Variants in IL1RAPL2 observed in about 807,000 individuals in gnomAD.
IL1RAPL2 encodes interleukin 1 receptor accessory protein like 2.
Under a neutral mutation model 44.1 loss-of-function variants are expected in IL1RAPL2, and 3 were observed. The observed-to-expected ratio is 0.07, with a 90% CI of 0.03 to 0.18. The LOEUF is 0.18. IL1RAPL2 is among the 10% of genes least tolerant of loss of function. IL1RAPL2 has a pLI of 1.00. For synonymous variants in IL1RAPL2, 181 were observed against 178.8 expected, an observed-to-expected ratio of 1.01 and a Z score of -0.10; for missense variants, 391 against 496.4, an observed-to-expected ratio of 0.79 and a Z score of 2.02.
rs770963199 is a variant in IL1RAPL2, at chrX:105,489,698, CTTTT to C, written c.772+5313_772+5316del. Among the ~76,000 whole-genome samples, 4 of 105,874 alleles carry C rather than the reference CTTTT, an allele frequency of 3.8e-5. No homozygotes were observed. In the East Asian group the frequency reaches 9.0e-4, roughly 24 times the overall value. 91.9% of individuals were successfully genotyped at this position (105,874 alleles called of 115,157 possible). A position where few individuals can be genotyped will look rare whatever the true frequency, so the allele number is the denominator to read the frequency against. The stretch of plus-strand genomic sequence containing the variant: ...TCTCTTTCTTTTTCTTTCTTTCTTT[CTTTT>C]TCTTTCCTTCCTTCCTTCCTTCTTT... On this transcript the variant is annotated intron_variant, in intron 6 of 10. Transcript: ENST00000372582.
intron 1 of IL1RAPL2, among the ~76,000 whole-genome samples, chrX:104,613,044 G>T (rs1235587880): frequency 8.9e-6 from 1 of 111,960 alleles, no homozygotes; most frequent in Non-Finnish European, 1.9e-5. Context: ...TTTTACTGAA[G>T]TCATCTATCA....
intron 2 of IL1RAPL2, among the ~76,000 whole-genome samples, chrX:104,965,527 T>G (rs1469136472): frequency 9.0e-6 from 1 of 111,424 alleles, no homozygotes; most frequent in Non-Finnish European, 1.9e-5. Flanking sequence ...TCTTGTAGGA[T>G]TCTTAAACAT....
chrX:104,840,324 T>C (rs747185476), intron 2 of IL1RAPL2, among the ~76,000 whole-genome samples: 1 of 112,064 alleles, frequency 8.9e-6, no homozygotes, highest in Non-Finnish European at 1.9e-5. Context: ...GTTATTTACC[T>C]CAGAGTCATT....
intron 6 of IL1RAPL2, among the ~76,000 whole-genome samples, chrX:105,585,962 G>A (rs949389839): frequency 3.6e-5 from 4 of 111,424 alleles, no homozygotes; most frequent in South Asian, 7.5e-4. Flanking sequence ...TAATGAAATC[G>A]CCAAAAGCAA....
At chrX:104,710,823 C>G (rs1331180828) in intron 2 of IL1RAPL2, among the ~76,000 whole-genome samples, 1 of 111,194 alleles carries the variant, frequency 9.0e-6, no homozygotes, top group African/African-American at 3.3e-5. Context: ...TGTAAACAAA[C>G]CTACTGCATC....
At chrX:105,162,903 C>A (rs2033338891) in intron 2 of IL1RAPL2, among the ~76,000 whole-genome samples, 1 of 111,542 alleles carries the variant, frequency 9.0e-6, no homozygotes, top group Non-Finnish European at 1.9e-5. Flanking sequence ...CTCCTAATCA[C>A]CTCCTCAAAG....
At chrX:104,973,542 T>A (rs2030276171) in intron 2 of IL1RAPL2, among the ~76,000 whole-genome samples, 1 of 111,912 alleles carries the variant, frequency 8.9e-6, no homozygotes, top group African/African-American at 3.2e-5. Context: ...TTACATGAAC[T>A]CACTGAGAAG....
At chrX:105,234,154 A>T (rs782028475) in intron 4 of IL1RAPL2, 150 bp downstream of exon 4, 1 of 420,134 alleles carries the variant, frequency 2.4e-6, no homozygotes, top group South Asian at 6.0e-5. Context: ...CAGAGCTGTG[A>T]CTCTTATGTA....
intron 2 of IL1RAPL2, among the ~76,000 whole-genome samples, chrX:104,911,135 T>C (rs1924224817): frequency 8.9e-6 from 1 of 111,902 alleles, no homozygotes; most frequent in South Asian, 3.7e-4. Context: ...CATATTGAAT[T>C]GGTAATAAAA....
intron 6 of IL1RAPL2, among the ~76,000 whole-genome samples, chrX:105,590,480 C>T (rs2037160504): frequency 9.0e-6 from 1 of 110,966 alleles, no homozygotes; most frequent in African/African-American, 3.3e-5. Flanking sequence ...AGCTTTTGCC[C>T]ATTCAATATG....
chrX:105,531,506 C>T (rs917620316), intron 6 of IL1RAPL2, among the ~76,000 whole-genome samples: 6 of 111,376 alleles, frequency 5.4e-5, no homozygotes, highest in Admixed American at 9.6e-5. Context: ...TATGGGTTGT[C>T]TCTTCACTTT....
chrX:104,969,402 C>T (rs183249896), intron 2 of IL1RAPL2, among the ~76,000 whole-genome samples: 69 of 110,617 alleles, frequency 6.2e-4, no homozygotes, highest in African/African-American at 2.2e-3. Flanking sequence ...AAAAGAAAAC[C>T]TTTAAAATGT....
At chrX:104,685,256 C>G (rs761614819) in intron 2 of IL1RAPL2, among the ~76,000 whole-genome samples, 3 of 112,192 alleles carry the variant, frequency 2.7e-5, no homozygotes, top group African/African-American at 9.7e-5. Context: ...TCTTTCAAGA[C>G]TTCCATGACT....
intron 2 of IL1RAPL2, among the ~76,000 whole-genome samples, chrX:104,978,676 C>G (rs781579091): frequency 9.0e-6 from 1 of 111,549 alleles, no homozygotes; most frequent in East Asian, 2.8e-4. Flanking sequence ...TCCAAGAGTA[C>G]CAACTGGAAA....
At chrX:105,323,894 A>G (rs929326363) in intron 5 of IL1RAPL2, among the ~76,000 whole-genome samples, 3 of 108,690 alleles carry the variant, frequency 2.8e-5, no homozygotes, top group African/African-American at 1.0e-4. Flanking sequence ...ACACACACAC[A>G]CAGACACACA....
intron 1 of IL1RAPL2, among the ~76,000 whole-genome samples, chrX:104,626,694 T>C (rs984457258): frequency 9.0e-6 from 1 of 111,341 alleles, no homozygotes; most frequent in Non-Finnish European, 1.9e-5. Context: ...AAAAGTAATG[T>C]TTTAATTGCA....
intron 3 of IL1RAPL2, among the ~76,000 whole-genome samples, chrX:105,230,674 G>T (rs1302446282): frequency 1.8e-5 from 2 of 110,179 alleles, no homozygotes; most frequent in Non-Finnish European, 3.8e-5. Context: ...AACAGGTCAG[G>T]TATAAAAATG....
intron 2 of IL1RAPL2, among the ~76,000 whole-genome samples, chrX:104,901,373 G>T (rs1229320845): frequency 4.6e-5 from 5 of 107,978 alleles, no homozygotes; most frequent in African/African-American, 1.7e-4. Context: ...ACCACGCCTG[G>T]CTAATTTTTT....
At chrX:104,845,196 T>C (rs941212745) in intron 2 of IL1RAPL2, among the ~76,000 whole-genome samples, 4 of 112,196 alleles carry the variant, frequency 3.6e-5, no homozygotes, top group Non-Finnish European at 7.5e-5. Flanking sequence ...GTATTACAGA[T>C]AGCCAGTCAA....
Sources: allele counts gnomAD v4.1 joint callset (sites outside exome capture counted in the v4.1 genomes callset), GRCh38; gene constraint gnomAD v4.1.1; transcripts MANE v1.5; gene names NCBI Gene and HGNC (gene_info 2026-07-23, HGNC 2026-07-21).